Variants in FRMD3 observed in about 807,000 individuals in gnomAD.
The protein encoded by FRMD3 is FERM domain-containing protein 3.
A neutral mutation model predicts 70.2 loss-of-function variants in FRMD3; 33 were observed. That is an observed-to-expected ratio of 0.47 (90% CI 0.36 to 0.63). The LOEUF is 0.63. Ranked by LOEUF, FRMD3 falls within the 20% of genes least tolerant of loss-of-function variation. The probability of loss-of-function intolerance (pLI) is 0.00; values close to 1 mark genes in which losing one functional copy is unlikely to be tolerated. For missense variants in FRMD3, 632 were observed against 711.4 expected, an observed-to-expected ratio of 0.89 and a Z score of 1.27; for synonymous variants, 279 against 255.9, an observed-to-expected ratio of 1.09 and a Z score of -0.86.
intron 3 of FRMD3, among the ~76,000 whole-genome samples, chr9:83,366,060 G>A (rs541016038): frequency 3.3e-5 from 5 of 152,128 alleles, no homozygotes; most frequent in Admixed American, 3.3e-4. Context: ...GACACACCAA[G>A]GAAGACTCAA....
chr9:83,402,761 A>G (rs928868567), intron 1 of FRMD3, among the ~76,000 whole-genome samples: 1 of 152,134 alleles, frequency 6.6e-6, no homozygotes, highest in Non-Finnish European at 1.5e-5. Context: ...TCAAATCTTC[A>G]TTATTAGTTT....
At chr9:83,440,754 C>T (rs113902735) in intron 1 of FRMD3, among the ~76,000 whole-genome samples, 237 of 152,294 alleles carry the variant, frequency 1.6e-3, no homozygotes, top group Non-Finnish European at 2.5e-3. Context: ...TCTCTGAATC[C>T]GTTTTCTTAT....
At chr9:83,494,874 C>T (rs1442530229) in intron 1 of FRMD3, among the ~76,000 whole-genome samples, 6 of 121,470 alleles carry the variant, frequency 4.9e-5, no homozygotes, top group South Asian at 2.6e-4. Flanking sequence ...CGCGCATGTG[C>T]GTGTGTATAT....
intron 1 of FRMD3, among the ~76,000 whole-genome samples, chr9:83,394,928 G>A (rs1825771069): frequency 6.6e-6 from 1 of 152,082 alleles, no homozygotes; most frequent in East Asian, 1.9e-4. Flanking sequence ...TCCATAATGG[G>A]AGAATAATGA....
At chr9:83,290,828 A>G in intron 12 of FRMD3, 101 bp from the exon 13 acceptor site, 12 of 1,227,408 alleles carry the variant, frequency 9.8e-6, no homozygotes, top group Non-Finnish European at 1.4e-5. Context: ...TCTACAGGGA[A>G]CTACCTCCAG....
Position 83,363,805 on chromosome 9 carries a change from T to C in FRMD3, c.295+9108A>G, listed in dbSNP as rs562939885. Among the ~76,000 whole-genome samples, 11 of 152,232 alleles carry C rather than the reference T, an allele frequency of 7.2e-5. No homozygotes were observed. The South Asian group carries it at 8.3e-4, about 11-fold the overall frequency. On this transcript the variant is annotated intron_variant, in intron 3 of 13. Coordinates refer to ENST00000304195, the MANE Select transcript of FRMD3 (RefSeq NM_174938.6). ...TCCTGACCTCGTGATCCGCCCACCT[T>C]GGCCTCCCAAAGTACTGGGATTACA...
intron 3 of FRMD3, among the ~76,000 whole-genome samples, 167 bp from the exon 4 acceptor site, chr9:83,349,924 G>A (rs534492988): frequency 2.0e-5 from 3 of 152,234 alleles, no homozygotes; most frequent in East Asian, 1.9e-4. Context: ...AAAACAAAGC[G>A]ACAGCAACAA....
chr9:83,428,364 C>T (rs1044932320), intron 1 of FRMD3, among the ~76,000 whole-genome samples: 5 of 150,748 alleles, frequency 3.3e-5, no homozygotes, highest in Non-Finnish European at 5.9e-5. Context: ...GACAACAGAG[C>T]GAGACTCGGC....
At chr9:83,274,317 T>C (rs1833720669) in intron 13 of FRMD3, among the ~76,000 whole-genome samples, 1 of 152,150 alleles carries the variant, frequency 6.6e-6, no homozygotes, top group Non-Finnish European at 1.5e-5. Context: ...CCTTCAGTCA[T>C]CTATCCCTTA....
At chr9:83,361,930 G>C (rs911953398) in intron 3 of FRMD3, among the ~76,000 whole-genome samples, 2 of 152,172 alleles carry the variant, frequency 1.3e-5, no homozygotes, top group Non-Finnish European at 2.9e-5. Flanking sequence ...TAGAGCCTTC[G>C]GAGGGAGCAT....
chr9:83,258,181 C>A (rs1587631431), intron 13 of FRMD3, among the ~76,000 whole-genome samples: 1 of 152,140 alleles, frequency 6.6e-6, no homozygotes, highest in Non-Finnish European at 1.5e-5. Context: ...TCAGGCATCA[C>A]AACACAACCT....
intron 1 of FRMD3, among the ~76,000 whole-genome samples, chr9:83,491,763 C>T (rs548820262): frequency 6.6e-5 from 10 of 152,348 alleles, no homozygotes; most frequent in African/African-American, 2.2e-4. Context: ...TACACTCAGT[C>T]AGGAAATGGT....
At chr9:83,483,855 A>C (rs1402795677) in intron 1 of FRMD3, among the ~76,000 whole-genome samples, 1 of 152,104 alleles carries the variant, frequency 6.6e-6, no homozygotes, top group Non-Finnish European at 1.5e-5. Flanking sequence ...GCAAGATCTT[A>C]TCTCAAAAAT....
chr9:83,371,939 C>A (rs1556150), intron 3 of FRMD3, among the ~76,000 whole-genome samples: 94,224 of 151,994 alleles, frequency 0.62, 29,424 homozygotes, highest in Non-Finnish European at 0.63. Context: ...GCTAGTTTGT[C>A]GTCCATGTTC....
the FRMD3 span, among the ~76,000 whole-genome samples, chr9:83,563,839 A>G: frequency 2.6e-5 from 4 of 152,188 alleles, no homozygotes; most frequent in Non-Finnish European, 1.5e-5. Flanking sequence ...GGGGATTTGC[A>G]GAGTACTCTC....
intron 13 of FRMD3, among the ~76,000 whole-genome samples, chr9:83,275,108 G>C (rs1017123480): frequency 6.6e-6 from 1 of 152,188 alleles, no homozygotes; most frequent in African/African-American, 2.4e-5. Flanking sequence ...TTAAATATGA[G>C]CTGTTATGTG....
At chr9:83,521,200 C>T (rs1457586798) in intron 1 of FRMD3, among the ~76,000 whole-genome samples, 2 of 151,926 alleles carry the variant, frequency 1.3e-5, no homozygotes, top group Non-Finnish European at 2.9e-5. Context: ...CTTGCTTCAT[C>T]ACTGAAGGTC....
chr9:83,499,092 C>G (rs1417568022), intron 1 of FRMD3, among the ~76,000 whole-genome samples: 2 of 152,178 alleles, frequency 1.3e-5, no homozygotes, highest in Non-Finnish European at 2.9e-5. Flanking sequence ...ATGATCATAA[C>G]TGTTGCTGAC....
At chr9:83,466,665 G>A (rs1828135853) in intron 1 of FRMD3, among the ~76,000 whole-genome samples, 1 of 152,148 alleles carries the variant, frequency 6.6e-6, no homozygotes, top group Admixed American at 6.5e-5. Flanking sequence ...GGCAAATAAT[G>A]AGAGCTGGAA....
Sources: allele counts gnomAD v4.1 joint callset (sites outside exome capture counted in the v4.1 genomes callset), GRCh38; gene constraint gnomAD v4.1.1; transcripts MANE v1.5; gene names NCBI Gene and HGNC (gene_info 2026-07-23, HGNC 2026-07-21).